Variants in PTCD2 observed in about 807,000 individuals in gnomAD.
PTCD2 encodes the protein pentatricopeptide repeat domain 2, also known as pentatricopeptide repeat-containing protein 2, mitochondrial.
Under a neutral mutation model 42.6 loss-of-function variants are expected in PTCD2, and 31 were observed. The ratio of observed to expected loss-of-function variants is 0.73; its 90% CI spans 0.55 to 0.98. The LOEUF is 0.98. Ranked by LOEUF, PTCD2 falls within the 50% of genes least tolerant of loss-of-function variation. The pLI, the probability that PTCD2 is intolerant of heterozygous loss-of-function variation, is 0.00. For missense variants in PTCD2, 476 were observed against 454.8 expected, an observed-to-expected ratio of 1.05 and a Z score of -0.42; for synonymous variants, 183 against 170.9, an observed-to-expected ratio of 1.07 and a Z score of -0.55.
rs1022255459 is a variant in PTCD2, at chr5:72,326,651, A to G, written c.260A>G (p.Asn87Ser). Residue 87 changes from asparagine to serine, a missense_variant, in exon 3 of 10, where the codon AAC becomes AGC. Coordinates refer to ENST00000380639, the MANE Select transcript of PTCD2 (RefSeq NM_024754.5). ...AACTTGAAAAAGAAACTGACCCAGA[A>G]CAAGCTCATCTTGAAGGGGGAGTTG... ...FRNLKKKLTQ[N>S]KLILKGELIT... 2 of 1,614,194 alleles carry G rather than the reference A, an allele frequency of 1.2e-6. No homozygotes were observed. The highest frequency in any genetic ancestry group is 4.5e-5 in the East Asian group (2 of 44,890).
chr5:72,324,060 G>T (rs1751006619), intron 2 of PTCD2, among the ~76,000 whole-genome samples: 1 of 152,066 alleles, frequency 6.6e-6, no homozygotes, highest in Non-Finnish European at 1.5e-5. Context: ...CCTTTGGAAT[G>T]GGGGGAATAT....
rs1179270761 is a variant in PTCD2, at chr5:72,352,695, A to T, written c.883A>T (p.Asn295Tyr). ...GGAAAACCTGATAAAGACTCTAAAA[A>T]ATGCTGCAGAAGGAAATTTATCAAA... Reference protein sequence around the residue: ...MLENLIKTLKNAAEGNLSKFV... With the variant: ...MLENLIKTLKYAAEGNLSKFV... Residue 295 changes from asparagine to tyrosine, a missense_variant, in exon 9 of 10, where the codon AAT (asparagine) becomes TAT (tyrosine). Coordinates refer to ENST00000380639, the MANE Select transcript of PTCD2 (RefSeq NM_024754.5). 1 of 1,606,024 alleles carries T rather than the reference A, an allele frequency of 6.2e-7. No individual in the cohort carries two copies. The highest frequency in any genetic ancestry group is 1.3e-5 in the African/African-American group (1 of 74,710).
chr5:72,342,341 CTA>C (rs1752110743), intron 7 of PTCD2, among the ~76,000 whole-genome samples: 1 of 152,198 alleles, frequency 6.6e-6, no homozygotes, highest in Non-Finnish European at 1.5e-5. Flanking sequence ...ATACTGTTTC[CTA>C]TGAGTATGTC....
Position 72,322,268 on chromosome 5 carries a change from A to G in PTCD2, c.220+4A>G. 1 of 1,521,014 alleles carries G rather than the reference A, an allele frequency of 6.6e-7. No individual in the cohort carries two copies. The highest frequency in any genetic ancestry group is 1.1e-5 in the South Asian group (1 of 88,576). 94.2% of individuals were successfully genotyped at this position (1,521,014 alleles called of 1,614,324 possible). Reference sequence around the variant, plus strand: ...TGTAATCTTTCTGGCACTAAAGGTAATAGAATCTATTTTGTTAATTCTGTC... The same window carrying G: ...TGTAATCTTTCTGGCACTAAAGGTAGTAGAATCTATTTTGTTAATTCTGTC... On this transcript the variant is annotated splice_donor_region_variant and intron_variant, in intron 2 of 9. Transcript: ENST00000380639.
At chr5:72,331,462 G>A (rs867298956) in intron 4 of PTCD2, 87 bp downstream of exon 4, 2 of 975,956 alleles carry the variant, frequency 2.0e-6, no homozygotes, top group Middle Eastern at 2.1e-4. Context: ...CATTATTCCT[G>A]GGTTAGATTT....
At chr5:72,341,859 G>A (rs190577719) in intron 7 of PTCD2, among the ~76,000 whole-genome samples, 3 of 151,834 alleles carry the variant, frequency 2.0e-5, no homozygotes, top group African/African-American at 4.8e-5. Context: ...TGACTAACAC[G>A]GTAAAACCCT....
intron 2 of PTCD2, among the ~76,000 whole-genome samples, chr5:72,322,528 C>G (rs1463480350): frequency 4.6e-5 from 7 of 152,214 alleles, no homozygotes. Flanking sequence ...TTGTCTAAAT[C>G]TGTGCCATTA....
chr5:72,326,865 C>A (rs755423138), intron 3 of PTCD2, 124 bp downstream of exon 3: 1 of 923,792 alleles, frequency 1.1e-6, no homozygotes, highest in Non-Finnish European at 1.6e-6. Context: ...ATCTCTTGTT[C>A]GGATGCCTAC....
In PTCD2 at chr5:72,320,430, TCTC is replaced by T; in HGVS notation, c.51_53del (p.Leu18del). ...CTGCATTTCGGCCCTCGAATCGAGT[TCTC>T]CTGCAGGCGCTGCAGATTTTGGTGT... On this transcript the variant is annotated inframe_deletion, in exon 1 of 10. Transcript: ENST00000380639. 3 of 1,614,090 alleles carry T rather than the reference TCTC, an allele frequency of 1.9e-6. No homozygotes were observed. Among genetic ancestry groups the T allele is most frequent in the Non-Finnish European group, 2.5e-6 (3 of 1,180,026 alleles).
intron 6 of PTCD2, among the ~76,000 whole-genome samples, chr5:72,336,634 C>A (rs1751755284): frequency 1.3e-5 from 2 of 151,390 alleles, no homozygotes; most frequent in South Asian, 4.2e-4. Context: ...TTGCTTGAAC[C>A]CAGGAGGCAG....
intron 3 of PTCD2, among the ~76,000 whole-genome samples, chr5:72,330,574 A>C (rs1358034767): frequency 2.0e-5 from 3 of 152,208 alleles, no homozygotes; most frequent in Non-Finnish European, 4.4e-5. Flanking sequence ...AGCAAAAAGA[A>C]TTGGTTATTG....
chr5:72,352,789 G>A (rs1752685479), intron 9 of PTCD2, 35 bp downstream of exon 9: 2 of 1,089,982 alleles, frequency 1.8e-6, no homozygotes, highest in South Asian at 1.3e-5. Flanking sequence ...TCATTTAAAA[G>A]TGAAAGGACA....
At chr5:72,324,153 T>C (rs530799112) in intron 2 of PTCD2, among the ~76,000 whole-genome samples, 1 of 152,330 alleles carries the variant, frequency 6.6e-6, no homozygotes, top group Admixed American at 6.5e-5. Context: ...CTATGTGAGG[T>C]TTGCAGTTAG....
rs537146984 is a variant in PTCD2, at chr5:72,347,191, G to A, written c.828+4155G>A. The stretch of plus-strand genomic sequence containing the variant: ...ACTCTGTCTGACTGCGAAGCCTAGG[G>A]TTTCCCCGCCACTCCAGACCTACAG... On this transcript the variant is annotated intron_variant, in intron 8 of 9. Transcript: ENST00000380639. Among the ~76,000 whole-genome samples, 1,275 of 151,678 alleles carry A rather than the reference G, an allele frequency of 8.4e-3. 18 individuals carry two copies. Among genetic ancestry groups the A allele is most frequent in the African/African-American group, 0.03 (1,223 of 41,346 alleles).
intron 2 of PTCD2, among the ~76,000 whole-genome samples, chr5:72,324,699 T>A (rs945797084): frequency 1.3e-5 from 2 of 152,218 alleles, no homozygotes; most frequent in African/African-American, 4.8e-5. Flanking sequence ...ATAGTATTCA[T>A]GTGTCACCTC....
chr5:72,347,199 G>A (rs573662371), intron 8 of PTCD2, among the ~76,000 whole-genome samples: 7 of 152,282 alleles, frequency 4.6e-5, no homozygotes, highest in Admixed American at 2.6e-4. Context: ...GGGTTTCCCC[G>A]CCACTCCAGA....
chr5:72,324,587 G>A (rs1751042255), intron 2 of PTCD2, among the ~76,000 whole-genome samples: 1 of 152,070 alleles, frequency 6.6e-6, no homozygotes, highest in Admixed American at 6.5e-5. Context: ...TCACCAACCT[G>A]GTCTGTTCTG....
chr5:72,324,501 T>C (rs1279944506), intron 2 of PTCD2, among the ~76,000 whole-genome samples: 3 of 152,214 alleles, frequency 2.0e-5, no homozygotes, highest in South Asian at 2.1e-4. Context: ...CTGATTTCCT[T>C]ACCTAGAATA....
At chr5:72,352,783 T>G (rs1752685356) in intron 9 of PTCD2, 29 bp downstream of exon 9, 2 of 1,156,030 alleles carry the variant, frequency 1.7e-6, no homozygotes, top group Non-Finnish European at 1.3e-6. Flanking sequence ...CAGAAATCAT[T>G]TAAAAGTGAA....
Sources: gnomAD v4.1 joint callset for allele counts (sites outside exome capture counted in the v4.1 genomes callset) on GRCh38, gnomAD v4.1.1 for gene constraint, MANE v1.5 for transcripts, NCBI Gene and HGNC (gene_info 2026-07-23, HGNC 2026-07-21) for gene names.